Variants in PLAC1 observed in about 807,000 individuals in gnomAD.
PLAC1 encodes the protein placenta associated 1, also known as placenta-specific protein 1.
For synonymous variants in PLAC1, 68 were observed against 62.1 expected (o/e 1.09, Z -0.44); for missense variants, 136 against 163.2 (o/e 0.83, Z 0.91).
At chrX:134,688,681 C>T (rs1006284665) in intron 2 of PLAC1, among the ~76,000 whole-genome samples, 13 of 112,107 alleles carry the variant, frequency 1.2e-4, no homozygotes, top group Non-Finnish European at 2.3e-4. Context: ...TGTTCTCTTG[C>T]GTTCAAAGTC....
At chrX:134,585,920 C>CT (rs1348337687) in intron 2 of PLAC1, among the ~76,000 whole-genome samples, 10 of 112,112 alleles carry the variant, frequency 8.9e-5, no homozygotes, top group Non-Finnish European at 1.3e-4. Flanking sequence ...CACAGCATTG[C>CT]TGGGGAGAAG....
intron 2 of PLAC1, among the ~76,000 whole-genome samples, chrX:134,685,947 C>T (rs910686557): frequency 2.7e-5 from 3 of 111,261 alleles, no homozygotes; most frequent in Non-Finnish European, 5.7e-5. Flanking sequence ...TGGATTGCAA[C>T]TGATCTGGGG....
chrX:134,752,541 T>A (rs918379191), intron 1 of PLAC1, among the ~76,000 whole-genome samples: 1 of 111,895 alleles, frequency 8.9e-6, no homozygotes, highest in Non-Finnish European at 1.9e-5. Flanking sequence ...TTGGCTTTTT[T>A]TTTCTTTCAA....
At chrX:134,694,263 C>T (rs905294255) in intron 2 of PLAC1, among the ~76,000 whole-genome samples, 2 of 111,527 alleles carry the variant, frequency 1.8e-5, no homozygotes, top group Non-Finnish European at 3.8e-5. Context: ...AAAAATTATT[C>T]ATTAGACATG....
intron 2 of PLAC1, among the ~76,000 whole-genome samples, chrX:134,704,502 A>G (rs1164036545): frequency 9.4e-6 from 1 of 106,377 alleles, no homozygotes; most frequent in African/African-American, 3.4e-5. Context: ...CAAAAAAAAA[A>G]AAACAAAATA....
chrX:134,680,252 T>G (rs1022733125), intron 2 of PLAC1, among the ~76,000 whole-genome samples: 1 of 111,739 alleles, frequency 8.9e-6, no homozygotes, highest in Non-Finnish European at 1.9e-5. Context: ...TATTATTCCC[T>G]TTTACAGATG....
chrX:134,705,915 G>T (rs1043231927), intron 2 of PLAC1, among the ~76,000 whole-genome samples: 1 of 112,137 alleles, frequency 8.9e-6, no homozygotes, highest in African/African-American at 3.2e-5. Context: ...GTATAAGGCA[G>T]ATATAAGATG....
chrX:134,732,335 G>T (rs2078691163), intron 2 of PLAC1, among the ~76,000 whole-genome samples: 1 of 111,818 alleles, frequency 8.9e-6, no homozygotes, highest in Non-Finnish European at 1.9e-5. Context: ...ACAGTTTTAT[G>T]ACTGCCCAGC....
intron 2 of PLAC1, among the ~76,000 whole-genome samples, chrX:134,687,850 AT>A (rs2078523216): frequency 1.3e-5 from 1 of 79,094 alleles, no homozygotes; most frequent in Non-Finnish European, 2.3e-5. Flanking sequence ...ATATATATAT[AT>A]ATATATATAT....
intron 1 of PLAC1, among the ~76,000 whole-genome samples, chrX:134,744,848 A>G (rs942237338): frequency 2.7e-5 from 3 of 111,765 alleles, no homozygotes; most frequent in Non-Finnish European, 5.6e-5. Context: ...AGAGGACACA[A>G]GCATTTCAGG....
At position 134,584,405 on chromosome X, in the gene PLAC1, C is replaced by T. The variant is rs189775550; in HGVS notation, c.-59+17646G>A. On this transcript the variant is annotated intron_variant, in intron 2 of 2. Transcript: ENST00000359237. ...GTAGGGTGCTAGACAACAGGACCCA[C>T]CAGTCGACTTCCATTTTCCATTTAA... is the stretch of plus-strand genomic sequence containing the variant. Among the ~76,000 whole-genome samples the T allele has an allele frequency of 2.0e-4, 22 of 111,802 alleles. No homozygotes were observed. In the Admixed American group the frequency reaches 2.0e-3, roughly 10 times the overall value.
At position 134,673,386 on chromosome X, in the gene PLAC1, G is replaced by A. The variant is rs375559524; in HGVS notation, n.174+60049C>T. On this transcript the variant is annotated intron_variant and non_coding_transcript_variant, in intron 2 of 2. Coordinates refer to the PLAC1 transcript ENST00000466797. ...AGGAAGAGACAGAAGGGAGAGAGAGGGGAGACAGGGAAAAGGGAAATTTGA... is the reference window on the plus strand; with the variant it reads ...AGGAAGAGACAGAAGGGAGAGAGAGAGGAGACAGGGAAAAGGGAAATTTGA... Among the ~76,000 whole-genome samples, 12 of 109,067 alleles carry A rather than the reference G, an allele frequency of 1.1e-4. No individual in the cohort carries two copies. The East Asian group carries it at 1.7e-3, about 16-fold the overall frequency. 94.7% of individuals were successfully genotyped at this position (109,067 alleles called of 115,157 possible).
chrX:134,612,466 C>G (rs997386460), intron 1 of PLAC1, among the ~76,000 whole-genome samples: 2 of 112,208 alleles, frequency 1.8e-5, no homozygotes, highest in Non-Finnish European at 3.8e-5. Context: ...CTCTTATAAG[C>G]TAAAAACTAC....
At chrX:134,763,613 A>C (rs1312319228) in intron 1 of PLAC1, among the ~76,000 whole-genome samples, 1 of 110,504 alleles carries the variant, frequency 9.0e-6, no homozygotes. Flanking sequence ...CTGAGGTCAG[A>C]AGTTCGAGAC....
At chrX:134,607,309 C>A in intron 1 of PLAC1, 1 of 149,820 alleles carries the variant, frequency 6.7e-6, no homozygotes, top group East Asian at 1.8e-4. Context: ...AAGGAATACC[C>A]CACAAATGTT....
chrX:134,735,923 T>A (rs2078701822), intron 1 of PLAC1, among the ~76,000 whole-genome samples: 1 of 104,173 alleles, frequency 9.6e-6, no homozygotes, highest in African/African-American at 3.6e-5. Flanking sequence ...GTGGGTAAGT[T>A]CAGAGCCCCC....
intron 1 of PLAC1, among the ~76,000 whole-genome samples, chrX:134,609,581 T>A (rs2078142443): frequency 8.9e-6 from 1 of 112,384 alleles, no homozygotes. Flanking sequence ...ATGGCCAGTG[T>A]CTTAGTCTGC....
At chrX:134,587,318 C>A (rs1285690001) in intron 2 of PLAC1, among the ~76,000 whole-genome samples, 1 of 110,007 alleles carries the variant, frequency 9.1e-6, no homozygotes, top group East Asian at 2.8e-4. Context: ...TTTGTGAAGC[C>A]GAGGAAGAAA....
chrX:134,566,394 C>G lies in PLAC1; in HGVS notation c.289G>C (p.Glu97Gln). Residue 97 changes from glutamate to glutamine, a missense_variant, in exon 3 of 3, where the codon GAG (glutamate) becomes CAG (glutamine). By Grantham distance (29) the Glu-to-Gln change is conservative. Coordinates refer to ENST00000359237, the MANE Select transcript of PLAC1 (RefSeq NM_021796.4). Reference protein sequence around the residue: ...VSQDMVIYSTEIHYSSKGTPS... With the variant: ...VSQDMVIYSTQIHYSSKGTPS... ...GTGCCCTTAGAAGAGTAGTGTATCTCAGTGCTGTAGATAACCATGTCCTGA... is the reference window on the plus strand; with the variant it reads ...GTGCCCTTAGAAGAGTAGTGTATCTGAGTGCTGTAGATAACCATGTCCTGA... The G allele has an allele frequency of 8.3e-7, 1 of 1,211,306 alleles. No homozygotes were observed. The highest frequency in any genetic ancestry group is 1.8e-5 in the South Asian group (1 of 56,979).
Sources: allele counts gnomAD v4.1 joint callset (sites outside exome capture counted in the v4.1 genomes callset), GRCh38; gene constraint gnomAD v4.1.1; transcripts MANE v1.5; gene names NCBI Gene and HGNC (gene_info 2026-07-23, HGNC 2026-07-21).